Variants in EFCAB8 observed in about 807,000 individuals in gnomAD.
EFCAB8 encodes EF-hand calcium binding domain 8, also known as EF-hand calcium-binding domain-containing protein 8.
In EFCAB8, 100 loss-of-function variants were observed where a neutral mutation model predicts 116.3. The ratio of observed to expected loss-of-function variants is 0.86; its 90% CI spans 0.73 to 1.02. EFCAB8 has a LOEUF of 1.02. Among genes scored for constraint, EFCAB8 ranks in the 50% least tolerant of loss-of-function variants. EFCAB8 has a pLI of 0.00. For missense variants in EFCAB8, 1,320 were observed against 1,416.9 expected (o/e 0.93, Z 1.10); for synonymous variants, 558 against 567.9 (o/e 0.98, Z 0.25).
At chr20:32,952,230 A>G (rs1430114985) in intron 23 of EFCAB8, among the ~76,000 whole-genome samples, 1 of 152,196 alleles carries the variant, frequency 6.6e-6, no homozygotes, top group Admixed American at 6.5e-5. Flanking sequence ...GAGCCACTGC[A>G]CTACAGCCTG....
rs147383745 is a variant in EFCAB8 at position 32,865,929 on chromosome 20, G to A, written c.43-1653G>A. 1.8e-3 allele frequency among the ~76,000 whole-genome samples: 277 copies of A among 152,254 alleles called. 1 individual carries two copies. The highest frequency in any genetic ancestry group is 6.1e-3 in the African/African-American group (255 of 41,558). ...TCCCAGCAAAAGACTACAGTTTGGG[G>A]CGAGCAGGGGTGTGGGAGAGGAGGC... On this transcript the variant is annotated intron_variant, in intron 2 of 26. Coordinates refer to ENST00000400522, the MANE Select transcript of EFCAB8 (RefSeq NM_001143967.2).
Position 32,863,746 on chromosome 20 carries a change from C to T in EFCAB8, c.-10-37C>T, listed in dbSNP as rs572563997. The stretch of plus-strand genomic sequence containing the variant: ...TCAGCCTTCCACGTGGTCCTTACAA[C>T]GACTGGAGTTAAGTTGACTATGATT... On this transcript the variant is annotated intron_variant, in intron 1 of 26. Coordinates refer to ENST00000400522, the MANE Select transcript of EFCAB8 (RefSeq NM_001143967.2). 462 of 1,543,998 alleles carry T rather than the reference C, an allele frequency of 3.0e-4. 1 individual carries two copies. The highest frequency in any genetic ancestry group is 9.6e-4 in the Admixed American group (48 of 50,118).
intron 20 of EFCAB8, among the ~76,000 whole-genome samples, chr20:32,923,424 T>C (rs576762583): frequency 6.6e-6 from 1 of 152,096 alleles, no homozygotes; most frequent in African/African-American, 2.4e-5. Flanking sequence ...AGGCGGAGGT[T>C]GCAGTGAGCT....
At chr20:32,948,580 G>GAAAGAA (rs1036701315) in intron 23 of EFCAB8, among the ~76,000 whole-genome samples, 31 of 135,630 alleles carry the variant, frequency 2.3e-4, no homozygotes, top group African/African-American at 5.8e-4. Context: ...AAGAAAGAAA[G>GAAAGAA]AAAAGAAAGG....
rs560292114 is a variant in EFCAB8 at position 32,942,203 on chromosome 20, A to G, written c.2791-1433A>G. ...ATAAATAAATGTCCTAAGTGAGCAAAACATTTTTGGTTGATTTTTAGGTGC... is the reference window on the plus strand; with the variant it reads ...ATAAATAAATGTCCTAAGTGAGCAAGACATTTTTGGTTGATTTTTAGGTGC... On this transcript the variant is annotated intron_variant, in intron 22 of 26. Coordinates refer to ENST00000400522, the MANE Select transcript of EFCAB8 (RefSeq NM_001143967.2). Among the ~76,000 whole-genome samples, 6 of 152,280 alleles carry G rather than the reference A, an allele frequency of 3.9e-5. No individual in the cohort carries two copies. The South Asian group carries it at 1.2e-3, about 32-fold the overall frequency.
At chr20:32,891,753 C>T (rs1041920350) in intron 7 of EFCAB8, among the ~76,000 whole-genome samples, 10 of 151,440 alleles carry the variant, frequency 6.6e-5, no homozygotes, top group East Asian at 1.9e-4. Context: ...CGTTCAGATG[C>T]GGGAGACAAC....
chr20:32,872,357 C>T (rs181967330), intron 3 of EFCAB8, among the ~76,000 whole-genome samples: 15 of 152,256 alleles, frequency 9.9e-5, no homozygotes, highest in South Asian at 4.1e-4. Flanking sequence ...GTGCCATCAC[C>T]GGCACATCTC....
At chr20:32,905,318 GA>G (rs1440310284) in intron 11 of EFCAB8, among the ~76,000 whole-genome samples, 5 of 152,298 alleles carry the variant, frequency 3.3e-5, no homozygotes, top group African/African-American at 1.2e-4. Flanking sequence ...GGAGCCTTCA[GA>G]AAAAAACCCA....
intron 11 of EFCAB8, among the ~76,000 whole-genome samples, chr20:32,900,733 A>C (rs1325336785): frequency 2.0e-5 from 3 of 151,422 alleles, no homozygotes; most frequent in African/African-American, 7.3e-5. Context: ...TGCCCGGTTA[A>C]TTTTTTTTCA....
chr20:32,939,842 C>A (rs1198580458), intron 22 of EFCAB8, among the ~76,000 whole-genome samples: 1 of 147,384 alleles, frequency 6.8e-6, no homozygotes, highest in Non-Finnish European at 1.5e-5. Context: ...TTACAGGTGC[C>A]CGCCACCATG....
intron 20 of EFCAB8, 39 bp from the exon 21 acceptor site, chr20:32,930,359 T>C: frequency 6.6e-7 from 1 of 1,524,712 alleles, no homozygotes; most frequent in South Asian, 1.2e-5. Context: ...TGACAGTGGC[T>C]CACAGCCCTG....
At chr20:32,942,438 G>C (rs1018809660) in intron 22 of EFCAB8, among the ~76,000 whole-genome samples, 4 of 151,712 alleles carry the variant, frequency 2.6e-5, no homozygotes, top group Non-Finnish European at 4.4e-5. Flanking sequence ...TGTAATCCCA[G>C]CTCTCTGGGA....
intron 17 of EFCAB8, among the ~76,000 whole-genome samples, chr20:32,914,886 TA>T (rs1987111622): frequency 6.7e-6 from 1 of 150,134 alleles, no homozygotes; most frequent in Non-Finnish European, 1.5e-5. Flanking sequence ...ATGAATCTTT[TA>T]AGTTCTGCTT....
chr20:32,897,210 C>T (rs1009497248), intron 10 of EFCAB8, among the ~76,000 whole-genome samples: 13 of 152,254 alleles, frequency 8.5e-5, no homozygotes, highest in African/African-American at 2.6e-4. Flanking sequence ...TCCCTTCACC[C>T]GCAGTGTTTA....
At chr20:32,932,420 A>G (rs1339010290) in intron 22 of EFCAB8, among the ~76,000 whole-genome samples, 2 of 152,154 alleles carry the variant, frequency 1.3e-5, no homozygotes, top group East Asian at 1.9e-4. Context: ...ACGATTTTCT[A>G]TGTGTATATC....
At chr20:32,885,413 C>T (rs1009326680) in intron 5 of EFCAB8, 92 bp from the exon 6 acceptor site, 12 of 1,500,858 alleles carry the variant, frequency 8.0e-6, no homozygotes, top group East Asian at 4.9e-5. Context: ...GGCTTTTGTC[C>T]CTCCTCCTCG....
rs1986271176 is a variant in EFCAB8 at position 32,898,488 on chromosome 20, C to T, written c.958-5C>T. The T allele has an allele frequency of 2.8e-6, 2 of 717,338 alleles. No homozygotes were observed. Among genetic ancestry groups the T allele is most frequent in the Non-Finnish European group, 5.2e-6 (2 of 384,078 alleles). The allele number at this position is 717,338 out of a possible 1,614,324, so 44.4% of individuals were successfully genotyped here. A position where few individuals can be genotyped will look rare whatever the true frequency, so the allele number is the denominator to read the frequency against. Reference sequence around the variant, plus strand: ...AGTCTCCCACCATTGCTACTGTCTTCCCAGGCTCTCCATCCCAACTGGTGT... The same window carrying T: ...AGTCTCCCACCATTGCTACTGTCTTTCCAGGCTCTCCATCCCAACTGGTGT... On this transcript the variant is annotated splice_polypyrimidine_tract_variant and splice_region_variant and intron_variant, in intron 10 of 26. Coordinates refer to ENST00000400522, the MANE Select transcript of EFCAB8 (RefSeq NM_001143967.2).
chr20:32,908,075 T>C (rs1986760126), intron 13 of EFCAB8, among the ~76,000 whole-genome samples, 200 bp from the exon 14 acceptor site: 1 of 152,178 alleles, frequency 6.6e-6, no homozygotes, highest in Non-Finnish European at 1.5e-5. Context: ...CCTCACTCAC[T>C]GTGTACCTGG....
intron 3 of EFCAB8, among the ~76,000 whole-genome samples, chr20:32,869,536 AG>A (rs1984588101): frequency 6.6e-6 from 1 of 152,116 alleles, no homozygotes; most frequent in Non-Finnish European, 1.5e-5. Context: ...GTGCCTGGCC[AG>A]GTGTTGCAAT....
Sources: gnomAD v4.1 joint callset for allele counts (sites outside exome capture counted in the v4.1 genomes callset) on GRCh38, gnomAD v4.1.1 for gene constraint, MANE v1.5 for transcripts, NCBI Gene and HGNC (gene_info 2026-07-23, HGNC 2026-07-21) for gene names.